ASB13: variants seen among roughly 807,000 people sequenced by gnomAD.
The protein encoded by ASB13 is ankyrin repeat and SOCS box containing 13.
ASB13 carries 33 observed loss-of-function variants against 28.8 expected under a neutral mutation model. That is an observed-to-expected ratio of 1.15 (90% confidence interval 0.87 to 1.53). The LOEUF is 1.53. Among genes scored for constraint, ASB13 ranks in the 40% most tolerant of loss-of-function variants. ASB13 has a pLI of 0.00. For missense variants in ASB13, 414 were observed against 390.1 expected (o/e 1.06, Z -0.52); for synonymous variants, 182 against 172.9 (o/e 1.05, Z -0.41).
rs1406408690 is a variant in ASB13 at position 5,650,111 on chromosome 10, T to C, written c.383-1007A>G. 6.6e-6 allele frequency among the ~76,000 whole-genome samples: 1 copy of C among 152,154 alleles called. No homozygotes were observed. Among genetic ancestry groups the C allele is most frequent in the Non-Finnish European group, 1.5e-5 (1 of 68,018 alleles). On this transcript the variant is annotated intron_variant, in intron 3 of 5. Coordinates refer to ENST00000357700, the MANE Select transcript of ASB13 (RefSeq NM_024701.4). This position sits in a 1 kb window ranked among gnomAD's most constrained non-coding sequence, Gnocchi z 6.0. ...TCCTGACTCAAACCTGACTCATTTC[T>C]GACCTCTTGAGCCTCCCCTTCATAC...
rs1304621156 is a variant in ASB13 at position 5,642,592 on chromosome 10, A to G, written c.518-631T>C. Reference sequence around the variant, plus strand: ...AAGGTAAAAAAAAATTTTTTTTTAAAAAAAAGAGCAGACATTCAGAAAGAT... The same window carrying G: ...AAGGTAAAAAAAAATTTTTTTTTAAGAAAAAGAGCAGACATTCAGAAAGAT... On this transcript the variant is annotated intron_variant, in intron 4 of 5. Transcript: ENST00000357700. The surrounding 1 kb of genome is among the most constrained non-coding windows in gnomAD (Gnocchi z 4.1). The G allele has an allele frequency of 6.6e-6, 7 of 1,055,140 alleles. No individual in the cohort carries two copies. The African/African-American group carries it at 8.4e-5, about 13-fold the overall frequency. The allele number at this position is 1,055,140 out of a possible 1,614,324, so 65.4% of individuals were successfully genotyped here. A position where few individuals can be genotyped will look rare whatever the true frequency, so the allele number is the denominator to read the frequency against.
At position 5,641,898 on chromosome 10, in the gene ASB13, T is replaced by C. The variant is rs1244394644; in HGVS notation, c.581A>G (p.Asn194Ser). 1 of 1,613,960 alleles carries C rather than the reference T, an allele frequency of 6.2e-7. No homozygotes were observed. The highest frequency in any genetic ancestry group is 1.1e-5 in the South Asian group (1 of 91,076). ...TALHHAAKVK[N>S]VDLIEMLIEF... ...GATAAGCATCTCGATGAGGTCAACA[T>C]TCTTGACCTTGGCCGCGTGGTGAAG... is the stretch of plus-strand genomic sequence containing the variant. The change falls in exon 5 of 6, where the codon AAT becomes AGT. Residue 194 changes from asparagine to serine, a missense_variant. Physicochemically the swap from Asn to Ser is conservative, Grantham distance 46 (BLOSUM62 1). Coordinates refer to ENST00000357700, the MANE Select transcript of ASB13 (RefSeq NM_024701.4). This position sits in a 1 kb window ranked among gnomAD's most constrained non-coding sequence, Gnocchi z 8.4.
intron 1 of ASB13, among the ~76,000 whole-genome samples, chr10:5,653,868 G>A (rs932112827): frequency 3.3e-5 from 5 of 152,222 alleles, no homozygotes; most frequent in South Asian, 2.1e-4. Context: ...TTTCAGTAGA[G>A]ATGGGGTTTC....
intron 1 of ASB13, among the ~76,000 whole-genome samples, chr10:5,666,139 G>T (rs1293607800): frequency 1.3e-5 from 2 of 152,180 alleles, no homozygotes; most frequent in Non-Finnish European, 2.9e-5. Flanking sequence ...CCCCGAGAGG[G>T]AGCACCGTGG....
intron 1 of ASB13, among the ~76,000 whole-genome samples, chr10:5,662,613 GAAGAGAAGAGAAGAGAAGAGAAGA>G (rs1835193419): frequency 4.0e-5 from 6 of 149,042 alleles, no homozygotes; most frequent in Middle Eastern, 3.4e-3. Context: ...GAAGAGAAGA[GAAGAGAAGAGAAGAGAAGAGAAGA>G]GATGAGATCC....
In ASB13 at chr10:5,651,564, C is replaced by T. The variant is rs980283309; in HGVS notation, c.232-201G>A. On this transcript the variant is annotated intron_variant, in intron 2 of 5. Transcript: ENST00000357700. The surrounding 1 kb of genome is among the most constrained non-coding windows in gnomAD (Gnocchi z 5.1). ...GGCCTCCTGAGTAGAGAAGTCATCT[C>T]GTTCAGGATTCTTTTCTCTCAGGGC... The T allele has an allele frequency of 1.6e-5, 9 of 563,790 alleles. No homozygotes were observed. Among genetic ancestry groups the T allele is most frequent in the African/African-American group, 1.2e-4 (6 of 51,962 alleles). 34.9% of individuals were successfully genotyped at this position (563,790 alleles called of 1,614,324 possible).
At chr10:5,654,175 T>C (rs1588515465) in intron 1 of ASB13, among the ~76,000 whole-genome samples, 1 of 144,348 alleles carries the variant, frequency 6.9e-6, no homozygotes, top group East Asian at 2.0e-4. Flanking sequence ...CAGTCAATCA[T>C]AGGGATCCTA....
chr10:5,651,232 C>G lies in ASB13; in HGVS notation c.363G>C (p.Leu121=), dbSNP rs1417932025. The change falls in exon 3 of 6, where the codon CTG becomes CTC. Residue 121 remains leucine, a synonymous_variant. Transcript: ENST00000357700. This position sits in a 1 kb window ranked among gnomAD's most constrained non-coding sequence, Gnocchi z 5.1. ...ACTCACCGCTCATGCAGGCCTCGTGCAGGGGGGACGCTGTGTACAGGGGAG... is the reference window on the plus strand; with the variant it reads ...ACTCACCGCTCATGCAGGCCTCGTGGAGGGGGGACGCTGTGTACAGGGGAG... ...VNPPLYTASP[L]HEACMSGSSE... 6.2e-7 allele frequency: 1 copy of G among 1,611,834 alleles called. No homozygotes were observed. The highest frequency in any genetic ancestry group is 1.3e-5 in the African/African-American group (1 of 74,848).
In ASB13 at chr10:5,651,274, G is replaced by A. The variant is rs576726083; in HGVS notation, c.321C>T (p.Tyr107=). The A allele has an allele frequency of 2.5e-5, 40 of 1,614,044 alleles. No homozygotes were observed. The highest frequency in any genetic ancestry group is 1.3e-4 in the African/African-American group (10 of 75,030). Residue 107 remains tyrosine, a synonymous_variant, in exon 3 of 6, where the codon TAC becomes TAT. Coordinates refer to ENST00000357700, the MANE Select transcript of ASB13 (RefSeq NM_024701.4). This position sits in a 1 kb window ranked among gnomAD's most constrained non-coding sequence, Gnocchi z 5.1. ...ACAGGGGAGGGTTGACCTTGGCCCC[G>A]TAGGACAGCAAGAGCTTCACACACT... The part of the protein sequence containing the change: ...SIECVKLLLS[Y]GAKVNPPLYT...
rs994589629 is a variant in ASB13 at position 5,659,503 on chromosome 10, A to G, written c.44-6453T>C. Among the ~76,000 whole-genome samples the G allele has an allele frequency of 1.3e-5, 2 of 152,182 alleles. No individual in the cohort carries two copies. On this transcript the variant is annotated intron_variant, in intron 1 of 5. Transcript: ENST00000357700. This position sits in a 1 kb window ranked among gnomAD's most constrained non-coding sequence, Gnocchi z 5.8. The stretch of plus-strand genomic sequence containing the variant: ...GACACCAAACTCTACCGACTCACAC[A>G]GAGTCCAGTGGCTGCAAGTCCCATG...
rs1048595645 is a variant in ASB13 at position 5,645,846 on chromosome 10, C to A, written c.517+3124G>T. 2.6e-5 allele frequency among the ~76,000 whole-genome samples: 4 copies of A among 152,186 alleles called. No homozygotes were observed. The highest frequency in any genetic ancestry group is 4.4e-5 in the Non-Finnish European group (3 of 68,030). ...TGACCCCAAAAGATCAGAATCACTACTTTTTAAAAATCTGTTTGTGAGGAC... is the reference window on the plus strand; with the variant it reads ...TGACCCCAAAAGATCAGAATCACTAATTTTTAAAAATCTGTTTGTGAGGAC... On this transcript the variant is annotated intron_variant, in intron 4 of 5. Transcript: ENST00000357700. This position sits in a 1 kb window ranked among gnomAD's most constrained non-coding sequence, Gnocchi z 5.4.
Position 5,651,440 on chromosome 10 carries a change from A to G in ASB13, c.232-77T>C, listed in dbSNP as rs1256312893. Reference sequence around the variant, plus strand: ...CACTTTCCCATCCTGCTGCAGGTTCATCTTTGCTAAGATGCTTCTTAGAAG... The same window carrying G: ...CACTTTCCCATCCTGCTGCAGGTTCGTCTTTGCTAAGATGCTTCTTAGAAG... On this transcript the variant is annotated intron_variant, in intron 2 of 5. Transcript: ENST00000357700. The surrounding 1 kb of genome is among the most constrained non-coding windows in gnomAD (Gnocchi z 5.1). 6 of 1,434,970 alleles carry G rather than the reference A, an allele frequency of 4.2e-6. No individual in the cohort carries two copies. The Admixed American group carries it at 9.5e-5, about 23-fold the overall frequency. 88.9% of individuals were successfully genotyped at this position (1,434,970 alleles called of 1,614,324 possible).
intron 4 of ASB13, among the ~76,000 whole-genome samples, chr10:5,647,823 C>G (rs540466058): frequency 2.0e-5 from 3 of 152,232 alleles, no homozygotes; most frequent in Non-Finnish European, 4.4e-5. Flanking sequence ...ACTCCTCTAC[C>G]CAGCTCTCTG....
chr10:5,640,715 G>A lies in ASB13; in HGVS notation c.825C>T (p.Leu275=). The A allele has an allele frequency of 5.0e-6, 8 of 1,614,192 alleles. No homozygotes were observed. The highest frequency in any genetic ancestry group is 6.8e-6 in the Non-Finnish European group (8 of 1,180,030). ...CCCCACCTGCAATTCAGTTGTAGGA[G>A]AGGTAATCAATGAGCCGGGGCGGGA... ...LNIPPRLIDY[L]SYN Residue 275 remains leucine, a synonymous_variant, in exon 6 of 6, where the codon CTC becomes CTT. Coordinates refer to ENST00000357700, the MANE Select transcript of ASB13 (RefSeq NM_024701.4).
Position 5,640,810 on chromosome 10 carries a change from G to A in ASB13, c.730C>T (p.Gln244Ter). ...YYEKTPLTLS[Q>*]LCRVNLRKAT... is the part of the protein sequence containing the mutation. ...TTCCTCAAGTTCACCCTGCAGAGCTGTGACAGAGTCAGAGGTGTCTCTGAA... is the reference window on the plus strand; with the variant it reads ...TTCCTCAAGTTCACCCTGCAGAGCTATGACAGAGTCAGAGGTGTCTCTGAA... Residue 244 changes from glutamine (Q) to a stop codon, truncating the protein, a stop_gained, in exon 6 of 6, where the codon CAG becomes TAG. Transcript: ENST00000357700. LOFTEE classifies it high-confidence loss of function. The A allele has an allele frequency of 1.9e-6, 3 of 1,614,140 alleles. No individual in the cohort carries two copies. The highest frequency in any genetic ancestry group is 2.5e-6 in the Non-Finnish European group (3 of 1,180,024).
Position 5,651,301 on chromosome 10 carries a change from G to C in ASB13, c.294C>G (p.Ile98Met). The part of the protein sequence containing the change: ...PLCDACASGS[I>M]ECVKLLLSYG... ...AGGACAGCAAGAGCTTCACACACTCGATGCTGCCCGAGGCGCAGGCATCGC... is the reference window on the plus strand; with the variant it reads ...AGGACAGCAAGAGCTTCACACACTCCATGCTGCCCGAGGCGCAGGCATCGC... The change falls in exon 3 of 6, where the codon ATC becomes ATG. Residue 98 changes from isoleucine to methionine, a missense_variant. Coordinates refer to ENST00000357700, the MANE Select transcript of ASB13 (RefSeq NM_024701.4). This position sits in a 1 kb window ranked among gnomAD's most constrained non-coding sequence, Gnocchi z 5.1. 6.2e-7 allele frequency: 1 copy of C among 1,614,014 alleles called. No individual in the cohort carries two copies. Among genetic ancestry groups the C allele is most frequent in the Non-Finnish European group, 8.5e-7 (1 of 1,179,970 alleles).
rs910489739 is a variant in ASB13 at position 5,650,818 on chromosome 10, G to A, written c.382+395C>T. ...ACCAGCACTGTTTTGAGAGCACCACGCACAGCCTCCTGGCCCAGGCTGTTG... is the reference window on the plus strand; with the variant it reads ...ACCAGCACTGTTTTGAGAGCACCACACACAGCCTCCTGGCCCAGGCTGTTG... On this transcript the variant is annotated intron_variant, in intron 3 of 5. Transcript: ENST00000357700. The surrounding 1 kb of genome is among the most constrained non-coding windows in gnomAD (Gnocchi z 6.0). 2.6e-5 allele frequency among the ~76,000 whole-genome samples: 4 copies of A among 152,188 alleles called. No homozygotes were observed. Among genetic ancestry groups the A allele is most frequent in the African/African-American group, 7.2e-5 (3 of 41,452 alleles).
rs1419696985 is a variant in ASB13, at chr10:5,644,620, C to T, written c.518-2659G>A. The stretch of plus-strand genomic sequence containing the variant: ...ATCACCTGAGGTCAGGAGTTCAAGA[C>T]CAGCCTAGCCAATATGGTGAAACCT... On this transcript the variant is annotated intron_variant, in intron 4 of 5. Coordinates refer to ENST00000357700, the MANE Select transcript of ASB13 (RefSeq NM_024701.4). This position sits in a 1 kb window ranked among gnomAD's most constrained non-coding sequence, Gnocchi z 5.1. Among the ~76,000 whole-genome samples the T allele has an allele frequency of 6.6e-6, 1 of 152,152 alleles. No homozygotes were observed. Among genetic ancestry groups the T allele is most frequent in the East Asian group, 1.9e-4 (1 of 5,198 alleles).
At position 5,641,851 on chromosome 10, in the gene ASB13, C is replaced by T. The variant is rs747536821; in HGVS notation, c.628G>A (p.Ala210Thr). 8.1e-6 allele frequency: 13 copies of T among 1,613,794 alleles called. No homozygotes were observed. The highest frequency in any genetic ancestry group is 1.3e-5 in the African/African-American group (1 of 74,888). Residue 210 changes from alanine (A) to threonine (T), a missense_variant, in exon 5 of 6, where the codon GCC (alanine) becomes ACC (threonine). Ala to Thr is a moderately conservative substitution (Grantham distance 58). Transcript: ENST00000357700. The surrounding 1 kb of genome is among the most constrained non-coding windows in gnomAD (Gnocchi z 8.4). ...MLIEFGGNIY[A>T]RDNRGKKPSD... is the part of the protein sequence containing the mutation. ...GGCTTCTTCCCGCGGTTGTCCCGGG[C>T]GTAGATGTTGCCGCCAAACTCGATA...
Sources: allele counts gnomAD v4.1 joint callset (sites outside exome capture counted in the v4.1 genomes callset), GRCh38; gene constraint gnomAD v4.1.1; non-coding constraint Gnocchi (gnomAD v3.1); transcripts MANE v1.5; gene names NCBI Gene and HGNC (gene_info 2026-07-23, HGNC 2026-07-21).